RELN: variants seen among roughly 807,000 people sequenced by gnomAD.
RELN encodes the protein reelin.
RELN carries 108 observed loss-of-function variants against 427.6 expected under a neutral mutation model. That is an observed-to-expected ratio of 0.25 (90% CI 0.22 to 0.30). RELN has a LOEUF of 0.30. RELN is among the 10% of genes least tolerant of loss of function. The pLI is 1.00. For missense variants in RELN, 3,715 were observed against 4,302.8 expected (o/e 0.86, Z 3.82); for synonymous variants, 1,524 against 1,513.4 (o/e 1.01, Z -0.16).
At chr7:103,933,495 AAGGGAGGG>A (rs746721889) in intron 1 of RELN, among the ~76,000 whole-genome samples, 13 of 120,958 alleles carry the variant, frequency 1.1e-4, no homozygotes, top group Non-Finnish European at 2.0e-4. Flanking sequence ...AGGAGAAAGG[AAGGGAGGG>A]AGGGAGGGAG....
chr7:103,633,370 A>G (rs1832511676), intron 19 of RELN, among the ~76,000 whole-genome samples: 1 of 152,010 alleles, frequency 6.6e-6, no homozygotes. Flanking sequence ...TATAAAATAT[A>G]ATTTGTTATC....
chr7:103,859,841 G>A (rs984887734), intron 2 of RELN, among the ~76,000 whole-genome samples: 4 of 151,988 alleles, frequency 2.6e-5, no homozygotes, highest in Non-Finnish European at 4.4e-5. Flanking sequence ...AGTAAGAAAG[G>A]TTTCAAGATT....
At chr7:103,517,650 C>G (rs1829599175) in intron 49 of RELN, among the ~76,000 whole-genome samples, 1 of 152,210 alleles carries the variant, frequency 6.6e-6, no homozygotes, top group Non-Finnish European at 1.5e-5. Context: ...TGTCTGTTAT[C>G]TCCTACTAAC....
At chr7:103,965,923 G>C (rs957909342) in intron 1 of RELN, among the ~76,000 whole-genome samples, 2 of 152,016 alleles carry the variant, frequency 1.3e-5, no homozygotes, top group Non-Finnish European at 2.9e-5. Flanking sequence ...ATTATTCATA[G>C]CTATATATAT....
chr7:103,863,180 T>C (rs1382018137), intron 2 of RELN, among the ~76,000 whole-genome samples: 1 of 152,080 alleles, frequency 6.6e-6, no homozygotes, highest in Non-Finnish European at 1.5e-5. Context: ...AGGTGGATCA[T>C]TTTGAGTGAA....
chr7:103,702,406 T>C (rs1245803714), intron 8 of RELN, among the ~76,000 whole-genome samples: 1 of 152,162 alleles, frequency 6.6e-6, no homozygotes, highest in African/African-American at 2.4e-5. Context: ...ATGTATAAGG[T>C]AAATCTCTGA....
chr7:103,776,098 G>C (rs1791733363), intron 4 of RELN, among the ~76,000 whole-genome samples: 1 of 152,168 alleles, frequency 6.6e-6, no homozygotes, highest in Non-Finnish European at 1.5e-5. Context: ...TTGATACAAT[G>C]TCTAGCCACA....
intron 1 of RELN, among the ~76,000 whole-genome samples, chr7:103,972,281 A>G (rs759056768): frequency 6.6e-6 from 1 of 152,186 alleles, no homozygotes; most frequent in Non-Finnish European, 1.5e-5. Context: ...TGTGGTAGGT[A>G]TAGTTTGATT....
At chr7:103,521,798 A>C (rs1264831692) in intron 48 of RELN, among the ~76,000 whole-genome samples, 1 of 152,258 alleles carries the variant, frequency 6.6e-6, no homozygotes, top group Non-Finnish European at 1.5e-5. Flanking sequence ...AGCATAGCAT[A>C]AAGTTATACT....
chr7:103,738,407 A>C (rs28394382), intron 6 of RELN, among the ~76,000 whole-genome samples: 2,621 of 151,714 alleles, frequency 0.017, 70 homozygotes, highest in African/African-American at 0.06. Flanking sequence ...CTTTCTTCTT[A>C]TTGAAATTTT....
chr7:103,838,872 G>A (rs896286380), intron 2 of RELN, among the ~76,000 whole-genome samples: 2 of 152,166 alleles, frequency 1.3e-5, no homozygotes, highest in Non-Finnish European at 2.9e-5. Context: ...CCTACCTTGG[G>A]TGAATATGCC....
At chr7:103,952,388 TTTAC>T (rs1292455689) in intron 1 of RELN, among the ~76,000 whole-genome samples, 1 of 152,176 alleles carries the variant, frequency 6.6e-6, no homozygotes, top group Non-Finnish European at 1.5e-5. Context: ...TTTAAATAAC[TTTAC>T]TTAAATTTAT....
chr7:103,848,985 AC>A (rs1286162837), intron 2 of RELN, among the ~76,000 whole-genome samples: 1 of 152,106 alleles, frequency 6.6e-6, no homozygotes, highest in African/African-American at 2.4e-5. Flanking sequence ...AGTTCCCCAT[AC>A]CCTACCTGGG....
chr7:103,556,222 A>ATAG (rs1404116277), intron 38 of RELN, among the ~76,000 whole-genome samples: 4 of 152,140 alleles, frequency 2.6e-5, no homozygotes, highest in Admixed American at 2.0e-4. Context: ...GCATTTTGCT[A>ATAG]TAGTATTCTA....
At chr7:103,621,336 G>A (rs538628661) in intron 20 of RELN, among the ~76,000 whole-genome samples, 1 of 152,132 alleles carries the variant, frequency 6.6e-6, no homozygotes, top group Non-Finnish European at 1.5e-5. Context: ...AATTAATGAA[G>A]TTAGCCTAAT....
intron 3 of RELN, among the ~76,000 whole-genome samples, chr7:103,794,808 T>C (rs1209245472): frequency 6.6e-6 from 1 of 152,158 alleles, no homozygotes; most frequent in African/African-American, 2.4e-5. Context: ...ATGCTAGGTA[T>C]GACAACAAAA....
intron 52 of RELN, among the ~76,000 whole-genome samples, chr7:103,502,637 T>C (rs1829072546): frequency 6.6e-6 from 1 of 152,196 alleles, no homozygotes; most frequent in South Asian, 2.1e-4. Context: ...CTGTCTATCA[T>C]GGATTGATAA....
Position 103,944,555 on chromosome 7 carries a change from G to A in RELN, c.227-27370C>T, listed in dbSNP as rs115813274. ...CTTCCTTTTGATGGTGTTATTCTGG[G>A]CTGAGAAGAAAAAGGAGAGGATGCC... On this transcript the variant is annotated intron_variant, in intron 1 of 64. Transcript: ENST00000428762. Among the ~76,000 whole-genome samples, 242 of 152,288 alleles carry A rather than the reference G, an allele frequency of 1.6e-3. 2 individuals are homozygous for A. Among genetic ancestry groups the A allele is most frequent in the African/African-American group, 5.5e-3 (227 of 41,550 alleles).
At chr7:103,808,097 G>C (rs1461291330) in intron 3 of RELN, among the ~76,000 whole-genome samples, 1 of 152,288 alleles carries the variant, frequency 6.6e-6, no homozygotes, top group South Asian at 2.1e-4. Context: ...TGGAAAGTCT[G>C]TTTAAAAGAT....
Sources: allele counts gnomAD v4.1 joint callset (sites outside exome capture counted in the v4.1 genomes callset), GRCh38; gene constraint gnomAD v4.1.1; transcripts MANE v1.5; gene names NCBI Gene and HGNC (gene_info 2026-07-23, HGNC 2026-07-21).